The following RNF135 variants were observed in gnomAD, a reference collection of about 807,000 sequenced individuals.
RNF135 encodes ring finger protein 135.
RNF135 carries 46 observed loss-of-function variants against 41.9 expected under a neutral mutation model. That is an observed-to-expected ratio of 1.10 (90% CI 0.87 to 1.40). The LOEUF is 1.40. RNF135 is among the 40% of genes most tolerant of loss of function. RNF135 has a pLI of 0.00. For synonymous variants in RNF135, 238 were observed against 223.8 expected, an observed-to-expected ratio of 1.06 and a Z score of -0.57; for missense variants, 539 against 549.8, an observed-to-expected ratio of 0.98 and a Z score of 0.20.
chr17:30,999,524 A>G lies in RNF135; in HGVS notation c.*333A>G, dbSNP rs563927320. The stretch of plus-strand genomic sequence containing the variant: ...TAGGCCCCTGCCTGGCTCCTGGGAG[A>G]TAACCTCTAAGCCATTAGAATATCT... On this transcript the variant is annotated 3_prime_UTR_variant, in exon 5 of 5. Transcript: ENST00000328381. The G allele has an allele frequency of 2.3e-5, 8 of 348,692 alleles. No homozygotes were observed. The highest frequency in any genetic ancestry group is 1.5e-4 in the African/African-American group (7 of 47,754). 21.6% of individuals were successfully genotyped at this position (348,692 alleles called of 1,614,324 possible).
chr17:30,967,157 C>T (rs1905584011), upstream of RNF135, among the ~76,000 whole-genome samples: 2 of 152,072 alleles, frequency 1.3e-5, no homozygotes, highest in Admixed American at 6.6e-5. Context: ...GCCTCGGCCT[C>T]TGGAGTAGCT....
chr17:30,988,823 C>T (rs1425097436), intron 3 of RNF135, among the ~76,000 whole-genome samples: 1 of 149,376 alleles, frequency 6.7e-6, no homozygotes, highest in Non-Finnish European at 1.5e-5. Context: ...ACTCCGTCAC[C>T]CAGGCTGGAG....
intron 1 of RNF135, 54 bp from the exon 2 acceptor site, chr17:30,984,563 G>T: frequency 6.3e-7 from 1 of 1,599,078 alleles, no homozygotes; most frequent in Non-Finnish European, 8.6e-7. Flanking sequence ...GTCTAGTGGT[G>T]GTTCCTGGGT....
At chr17:30,990,334 C>G (rs1371262964) in intron 3 of RNF135, among the ~76,000 whole-genome samples, 1 of 152,068 alleles carries the variant, frequency 6.6e-6, no homozygotes, top group Non-Finnish European at 1.5e-5. Context: ...AGCAGCCTGG[C>G]CAACATGGTG....
upstream of RNF135, chr17:30,970,302 G>A (rs140380159): frequency 6.6e-6 from 1 of 152,156 alleles, no homozygotes; most frequent in African/African-American, 2.4e-5. Context: ...GTGAGTGAGT[G>A]AGTGAGCCTT....
chr17:30,999,373 C>G lies in RNF135; in HGVS notation c.*182C>G. ...AAGCAGTCCTCCCACCTCAGCCTCC[C>G]AAGGTGCTGGGATTACAGGTGTGAG... On this transcript the variant is annotated 3_prime_UTR_variant, in exon 5 of 5. Coordinates refer to ENST00000328381, the MANE Select transcript of RNF135 (RefSeq NM_032322.4). 1 of 663,848 alleles carries G rather than the reference C, an allele frequency of 1.5e-6. No individual in the cohort carries two copies. Among genetic ancestry groups the G allele is most frequent in the Non-Finnish European group, 2.6e-6 (1 of 380,006 alleles). 41.1% of individuals were successfully genotyped at this position (663,848 alleles called of 1,614,324 possible).
upstream of RNF135, among the ~76,000 whole-genome samples, chr17:30,966,616 C>T (rs912228036): frequency 2.0e-5 from 3 of 150,942 alleles, no homozygotes; most frequent in Non-Finnish European, 3.0e-5. Context: ...CTGCCTCAGC[C>T]TCCCGAGTAG....
chr17:30,996,088 C>CTTT (rs914464333), intron 3 of RNF135, among the ~76,000 whole-genome samples: 9 of 112,836 alleles, frequency 8.0e-5, no homozygotes, highest in Non-Finnish European at 1.1e-4. Context: ...GAATTCATTA[C>CTTT]TTTTTTTTTT....
chr17:30,967,734 C>T (rs1264262799), upstream of RNF135, among the ~76,000 whole-genome samples: 10 of 149,242 alleles, frequency 6.7e-5, no homozygotes, highest in Non-Finnish European at 1.3e-4. Context: ...CGGAGTCTTG[C>T]CCTGTTGCCG....
At chr17:30,977,991 A>C (rs1464911934) in intron 1 of RNF135, among the ~76,000 whole-genome samples, 1 of 152,110 alleles carries the variant, frequency 6.6e-6, no homozygotes, top group Non-Finnish European at 1.5e-5. Context: ...TTTCAAAGCT[A>C]TTTTCACAAA....
At chr17:30,986,403 G>A (rs978821787) in intron 2 of RNF135, among the ~76,000 whole-genome samples, 5 of 152,060 alleles carry the variant, frequency 3.3e-5, no homozygotes, top group Non-Finnish European at 7.4e-5. Context: ...CACCATACTG[G>A]CCAGTCTGGC....
At chr17:30,964,639 G>A in the RNF135 span, among the ~76,000 whole-genome samples, 2 of 151,132 alleles carry the variant, frequency 1.3e-5, no homozygotes, top group Admixed American at 1.3e-4. Context: ...ATGGCAGTGT[G>A]CCTTATTTCA....
intron 3 of RNF135, among the ~76,000 whole-genome samples, chr17:30,991,145 C>G (rs996956473): frequency 6.6e-6 from 1 of 152,078 alleles, no homozygotes; most frequent in African/African-American, 2.4e-5. Flanking sequence ...AACCTGCCAA[C>G]TGAGTATGTT....
rs767721606 is a variant in RNF135 at position 30,999,190 on chromosome 17, A to G, written c.1298A>G (p.Ter433=). Residue 433 remains the stop codon, a stop_retained_variant, in exon 5 of 5, where the codon TAA becomes TGA. Coordinates refer to ENST00000328381, the MANE Select transcript of RNF135 (RefSeq NM_032322.4). ...NYLIIKQVKV[*] is the part of the protein sequence containing the mutation. Reference sequence around the variant, plus strand: ...CTGATAATAAAGCAAGTAAAGGTGTAAGGTTTCCTAAGGGATTACAACACA... The same window carrying G: ...CTGATAATAAAGCAAGTAAAGGTGTGAGGTTTCCTAAGGGATTACAACACA... The G allele has an allele frequency of 4.3e-6, 7 of 1,612,336 alleles. No homozygotes were observed. The highest frequency in any genetic ancestry group is 5.1e-6 in the Non-Finnish European group (6 of 1,179,978).
the RNF135 span, among the ~76,000 whole-genome samples, chr17:30,962,858 C>T: frequency 1.3e-5 from 2 of 152,086 alleles, no homozygotes; most frequent in Non-Finnish European, 2.9e-5. Flanking sequence ...CAAACTTTCC[C>T]GGTGGCTGTA....
At chr17:30,978,327 A>G (rs1336886240) in intron 1 of RNF135, among the ~76,000 whole-genome samples, 1 of 152,128 alleles carries the variant, frequency 6.6e-6, no homozygotes, top group Non-Finnish European at 1.5e-5. Flanking sequence ...ACTTTCTACC[A>G]CTATTTCTTT....
chr17:30,983,297 G>T (rs1907287847), intron 1 of RNF135, among the ~76,000 whole-genome samples: 1 of 113,358 alleles, frequency 8.8e-6, no homozygotes, highest in African/African-American at 2.9e-5. Context: ...AAATCATATG[G>T]TAATTCTAAT....
chr17:30,993,970 A>C (rs377378247), intron 3 of RNF135: 2 of 499,700 alleles, frequency 4.0e-6, no homozygotes, highest in African/African-American at 4.0e-5. Context: ...CACTCAGCTA[A>C]TTTTTTGTAC....
At chr17:30,981,695 T>C (rs1380980259) in intron 1 of RNF135, among the ~76,000 whole-genome samples, 2 of 152,228 alleles carry the variant, frequency 1.3e-5, no homozygotes, top group Non-Finnish European at 2.9e-5. Flanking sequence ...CCTGTCCTTC[T>C]TGGGAAGGCT....
Sources: gnomAD v4.1 joint callset for allele counts (sites outside exome capture counted in the v4.1 genomes callset) on GRCh38, gnomAD v4.1.1 for gene constraint, MANE v1.5 for transcripts, NCBI Gene and HGNC (gene_info 2026-07-23, HGNC 2026-07-21) for gene names.